The following PPP3CA variants were observed in gnomAD, a reference collection of about 807,000 sequenced individuals.
PPP3CA encodes CAM-PRP catalytic subunit.
A neutral mutation model predicts 66.5 loss-of-function variants in PPP3CA; 14 were observed. That is an observed-to-expected ratio of 0.21 (90% CI 0.14 to 0.33). The LOEUF is 0.33. PPP3CA is among the 10% of genes least tolerant of loss of function. The pLI, the probability that PPP3CA is intolerant of heterozygous loss-of-function variation, is 1.00. For missense variants in PPP3CA, 317 were observed against 639.5 expected, an observed-to-expected ratio of 0.50 and a Z score of 5.44; for synonymous variants, 232 against 226.2, an observed-to-expected ratio of 1.03 and a Z score of -0.23.
At chr4:101,341,261 T>A (rs555372868) in intron 1 of PPP3CA, among the ~76,000 whole-genome samples, 67 of 149,900 alleles carry the variant, frequency 4.5e-4, no homozygotes, top group Non-Finnish European at 7.0e-4. Context: ...AGCTTCCACC[T>A]CAGCATCCCA....
chr4:101,050,925 T>C (rs1727981373), intron 10 of PPP3CA, among the ~76,000 whole-genome samples: 1 of 152,186 alleles, frequency 6.6e-6, no homozygotes, highest in Non-Finnish European at 1.5e-5. Context: ...TGATGTATTA[T>C]GTGATCTTGG....
At chr4:101,198,530 C>G (rs897362559) in intron 1 of PPP3CA, among the ~76,000 whole-genome samples, 2 of 152,156 alleles carry the variant, frequency 1.3e-5, no homozygotes, top group African/African-American at 4.8e-5. Context: ...GCAAGAATCA[C>G]AGGAGCACAG....
chr4:101,138,405 C>T (rs889731135), intron 2 of PPP3CA, among the ~76,000 whole-genome samples: 12 of 152,078 alleles, frequency 7.9e-5, no homozygotes, highest in African/African-American at 1.2e-4. Flanking sequence ...ATTTAATCAC[C>T]GAGCACATTA....
chr4:101,159,287 A>G (rs1723424621), intron 2 of PPP3CA, among the ~76,000 whole-genome samples: 1 of 152,190 alleles, frequency 6.6e-6, no homozygotes, highest in Admixed American at 6.5e-5. Context: ...CTATTCCTGC[A>G]GGCCACGCTG....
intron 2 of PPP3CA, among the ~76,000 whole-genome samples, chr4:101,165,065 G>C (rs1723648465): frequency 6.6e-6 from 1 of 152,058 alleles, no homozygotes; most frequent in Non-Finnish European, 1.5e-5. Context: ...CTAAAAAAAT[G>C]ATTCCTGAAA....
chr4:101,062,514 C>T (rs564993353), intron 9 of PPP3CA, among the ~76,000 whole-genome samples: 1 of 152,044 alleles, frequency 6.6e-6, no homozygotes, highest in South Asian at 2.1e-4. Flanking sequence ...TGAGAAGATA[C>T]ATGAGAATCA....
chr4:101,276,873 C>CG (rs35955763), intron 1 of PPP3CA, among the ~76,000 whole-genome samples: 7,723 of 152,232 alleles, frequency 0.051, 283 homozygotes, highest in Non-Finnish European at 0.079. Context: ...AGCGTTGATA[C>CG]GTTATTATTA....
intron 1 of PPP3CA, among the ~76,000 whole-genome samples, chr4:101,295,671 A>G (rs951493050): frequency 6.6e-6 from 1 of 152,222 alleles, no homozygotes; most frequent in African/African-American, 2.4e-5. Flanking sequence ...GATTTAAATT[A>G]CAGCTTTTAG....
chr4:101,155,469 T>C (rs1723287793), intron 2 of PPP3CA, among the ~76,000 whole-genome samples: 1 of 152,208 alleles, frequency 6.6e-6, no homozygotes, highest in South Asian at 2.1e-4. Flanking sequence ...GTGCTGTTCA[T>C]CCACCTTTCT....
intron 1 of PPP3CA, among the ~76,000 whole-genome samples, chr4:101,311,176 C>T (rs1451063649): frequency 6.6e-6 from 1 of 152,106 alleles, no homozygotes; most frequent in Admixed American, 6.5e-5. Context: ...AAACACAATG[C>T]CACTTATTTA....
At chr4:101,049,271 T>G (rs1727906238) in intron 10 of PPP3CA, among the ~76,000 whole-genome samples, 1 of 152,046 alleles carries the variant, frequency 6.6e-6, no homozygotes, top group Non-Finnish European at 1.5e-5. Flanking sequence ...TGAAAGACTT[T>G]ACAGTAGATT....
chr4:101,318,831 C>T (rs745605483), intron 1 of PPP3CA, among the ~76,000 whole-genome samples: 1 of 152,058 alleles, frequency 6.6e-6, no homozygotes, highest in Non-Finnish European at 1.5e-5. Context: ...ATTCTAATAG[C>T]TCAAAGTTCT....
intron 1 of PPP3CA, among the ~76,000 whole-genome samples, chr4:101,227,133 CAT>C (rs1725809741): frequency 2.6e-5 from 4 of 151,522 alleles, no homozygotes; most frequent in Non-Finnish European, 4.4e-5. Flanking sequence ...TACATACATA[CAT>C]ACATACATAC....
intron 3 of PPP3CA, among the ~76,000 whole-genome samples, 161 bp from the exon 4 acceptor site, chr4:101,099,883 A>C (rs1317960974): frequency 2.6e-5 from 4 of 152,008 alleles, no homozygotes; most frequent in Admixed American, 1.3e-4. Flanking sequence ...ATCAAATAGG[A>C]AACATTACTT....
chr4:101,084,691 T>C (rs1470828944), intron 6 of PPP3CA, among the ~76,000 whole-genome samples: 1 of 151,408 alleles, frequency 6.6e-6, no homozygotes, highest in Non-Finnish European at 1.5e-5. Context: ...ATACTGACTA[T>C]AAAAAAGATT....
chr4:101,166,388 C>A (rs1161170106), intron 2 of PPP3CA, among the ~76,000 whole-genome samples: 1 of 152,074 alleles, frequency 6.6e-6, no homozygotes, highest in Non-Finnish European at 1.5e-5. Context: ...TTTTATCATG[C>A]AAAATTCAGT....
intron 2 of PPP3CA, among the ~76,000 whole-genome samples, chr4:101,172,184 G>GA (rs1285437338): frequency 6.6e-6 from 1 of 152,024 alleles, no homozygotes. Context: ...TATTGTAAGG[G>GA]AAAAAATCCT....
chr4:101,288,757 A>C (rs1311599269), intron 1 of PPP3CA, among the ~76,000 whole-genome samples: 1 of 152,162 alleles, frequency 6.6e-6, no homozygotes, highest in African/African-American at 2.4e-5. Flanking sequence ...CAGCTGTGTA[A>C]ATATTTTAAC....
chr4:101,049,881 C>T (rs1727933557), intron 10 of PPP3CA, among the ~76,000 whole-genome samples: 1 of 152,114 alleles, frequency 6.6e-6, no homozygotes, highest in South Asian at 2.1e-4. Flanking sequence ...AGTAATACAA[C>T]TCCTTCATCT....
Sources: gnomAD v4.1 joint callset for allele counts (sites outside exome capture counted in the v4.1 genomes callset) on GRCh38, gnomAD v4.1.1 for gene constraint, MANE v1.5 for transcripts, NCBI Gene and HGNC (gene_info 2026-07-23, HGNC 2026-07-21) for gene names.